Variants in TTC31 observed in about 807,000 individuals in gnomAD.
TTC31 encodes tetratricopeptide repeat protein 31.
A neutral mutation model predicts 60.4 loss-of-function variants in TTC31; 59 were observed. The observed-to-expected ratio is 0.98, with a 90% CI of 0.79 to 1.21. The LOEUF is 1.21. Ranked by LOEUF, TTC31 falls within the 50% of genes most tolerant of loss-of-function variation. The pLI, the probability that TTC31 is intolerant of heterozygous loss-of-function variation, is 0.00. For synonymous variants in TTC31, 225 were observed against 249.6 expected (o/e 0.90, Z 0.93); for missense variants, 672 against 646.9 (o/e 1.04, Z -0.42).
chr2:74,492,645 G>A lies in TTC31; in HGVS notation c.1162-1G>A, dbSNP rs1674057177. Reference sequence around the variant, plus strand: ...TCTTTCTGATCCCTCTGGGACCAAAGCGCTTCAGAGAGGCAGCTGCTGTGT... The same window carrying A: ...TCTTTCTGATCCCTCTGGGACCAAAACGCTTCAGAGAGGCAGCTGCTGTGT... On this transcript the variant is annotated splice_acceptor_variant, in intron 11 of 12. Coordinates refer to ENST00000233623, the MANE Select transcript of TTC31 (RefSeq NM_022492.6). LOFTEE classifies it high-confidence loss of function. 1 of 1,614,078 alleles carries A rather than the reference G, an allele frequency of 6.2e-7. No individual in the cohort carries two copies. The highest frequency in any genetic ancestry group is 1.3e-5 in the African/African-American group (1 of 74,942).
chr2:74,492,011 C>G lies in TTC31; in HGVS notation c.884C>G (p.Pro295Arg), dbSNP rs541932150. The stretch of plus-strand genomic sequence containing the variant: ...TTTGCACCCTATCCCCAGGCATCTC[C>G]GGGACTGCTGGCAGCTGCCTTACAA... ...PQQSPKVQAS[P>R]GLLAAALQQS... Residue 295 changes from proline to arginine, a missense_variant, in exon 9 of 13, where the codon CCG (proline) becomes CGG (arginine). Pro to Arg is a moderately radical substitution (Grantham distance 103). Transcript: ENST00000233623. 4.3e-6 allele frequency: 7 copies of G among 1,614,072 alleles called. No homozygotes were observed. Among genetic ancestry groups the G allele is most frequent in the Non-Finnish European group, 5.9e-6 (7 of 1,180,030 alleles).
chr2:74,483,242 A>G (rs1377673286), intron 1 of TTC31, 80 bp from the exon 2 acceptor site: 1 of 1,612,900 alleles, frequency 6.2e-7, no homozygotes, highest in Non-Finnish European at 8.5e-7. Context: ...CAGAGGGCGG[A>G]GAGTCGAGGG....
rs781133847 is a variant in TTC31 at position 74,483,390 on chromosome 2, C to T, written c.109C>T (p.Pro37Ser). The T allele has an allele frequency of 6.2e-6, 10 of 1,614,188 alleles. No homozygotes were observed. In the South Asian group the frequency reaches 9.9e-5, roughly 16 times the overall value. ...AAPKLCKEFG[P>S]EDYGEEDIVD... is the part of the protein sequence containing the mutation. ...ACCCAAACTTTGCAAGGAATTCGGT[C>T]CAGAGGATTACGGCGAAGAGGTAAA... is the stretch of plus-strand genomic sequence containing the variant. The change falls in exon 2 of 13, where the codon CCA becomes TCA. Residue 37 changes from proline to serine, a missense_variant. By Grantham distance (74) the Pro-to-Ser change is moderately conservative. Coordinates refer to ENST00000233623, the MANE Select transcript of TTC31 (RefSeq NM_022492.6).
Position 74,493,420 on chromosome 2 carries a change from T to G in TTC31, c.*202T>G. On this transcript the variant is annotated 3_prime_UTR_variant, in exon 13 of 13. Coordinates refer to ENST00000233623, the MANE Select transcript of TTC31 (RefSeq NM_022492.6). Reference sequence around the variant, plus strand: ...CATCCACTGAAACATCCTTTGGTTCTCAAGCTTCTTCTGGAGGCAGTAAGG... The same window carrying G: ...CATCCACTGAAACATCCTTTGGTTCGCAAGCTTCTTCTGGAGGCAGTAAGG... 1 of 573,612 alleles carries G rather than the reference T, an allele frequency of 1.7e-6. No individual in the cohort carries two copies. Among genetic ancestry groups the G allele is most frequent in the African/African-American group, 1.9e-5 (1 of 53,346 alleles). The allele number at this position is 573,612 out of a possible 1,614,324, so 35.5% of individuals were successfully genotyped here.
intron 2 of TTC31, among the ~76,000 whole-genome samples, chr2:74,485,183 C>T (rs760982441): frequency 4.0e-5 from 6 of 151,894 alleles, no homozygotes; most frequent in Non-Finnish European, 1.5e-5. Context: ...CCCACCACCA[C>T]GCCCAGCTAA....
intron 2 of TTC31, chr2:74,483,698 C>A: frequency 1.8e-6 from 2 of 1,084,106 alleles, no homozygotes; most frequent in Non-Finnish European, 2.4e-6. Flanking sequence ...AGATGGAGGC[C>A]GGGCGCGGTG....
chr2:74,483,940 TAAA>T (rs558892375), intron 2 of TTC31, among the ~76,000 whole-genome samples: 1 of 132,126 alleles, frequency 7.6e-6, no homozygotes, highest in Non-Finnish European at 1.6e-5. Flanking sequence ...AGACTCTGTC[TAAA>T]AAAAAAAAAA....
chr2:74,483,938 T>C (rs1174912230), intron 2 of TTC31, among the ~76,000 whole-genome samples: 1 of 127,862 alleles, frequency 7.8e-6, no homozygotes, highest in African/African-American at 3.0e-5. Flanking sequence ...TGAGACTCTG[T>C]CTAAAAAAAA....
intron 5 of TTC31, 116 bp downstream of exon 5, chr2:74,490,855 C>T (rs1309938373): frequency 1.8e-6 from 2 of 1,126,978 alleles, no homozygotes; most frequent in East Asian, 5.2e-5. Flanking sequence ...ACTCTCTTGC[C>T]AGGAGGACAC....
intron 2 of TTC31, among the ~76,000 whole-genome samples, chr2:74,484,622 C>A (rs910946949): frequency 1.3e-5 from 2 of 152,036 alleles, no homozygotes; most frequent in African/African-American, 2.4e-5. Flanking sequence ...CCAGTCCCAG[C>A]TAATTTTTGT....
In TTC31 at chr2:74,490,018, C is replaced by T. The variant is rs757052693; in HGVS notation, c.130-7C>T. 3.2e-6 allele frequency: 5 copies of T among 1,548,742 alleles called. No individual in the cohort carries two copies. Among genetic ancestry groups the T allele is most frequent in the African/African-American group, 1.4e-5 (1 of 73,030 alleles). The stretch of plus-strand genomic sequence containing the variant: ...CCAGCCTCCCCTCCCCTCCCCTCCC[C>T]TCCCAGGACATAGTGGATTTTCTTC... On this transcript the variant is annotated splice_region_variant and splice_polypyrimidine_tract_variant and intron_variant, in intron 2 of 12. Coordinates refer to ENST00000233623, the MANE Select transcript of TTC31 (RefSeq NM_022492.6).
At chr2:74,492,266 G>A in intron 10 of TTC31, 37 bp downstream of exon 10, 1 of 1,613,040 alleles carries the variant, frequency 6.2e-7, no homozygotes, top group Non-Finnish European at 8.5e-7. Flanking sequence ...GCAGAGTGTT[G>A]AGGACTCAGA....
At chr2:74,486,226 A>G (rs912674737) in intron 2 of TTC31, among the ~76,000 whole-genome samples, 1 of 151,850 alleles carries the variant, frequency 6.6e-6, no homozygotes, top group African/African-American at 2.4e-5. Flanking sequence ...AGGTTGCGCC[A>G]TTGCATTCCA....
intron 2 of TTC31, among the ~76,000 whole-genome samples, chr2:74,488,074 A>G (rs1041251568): frequency 6.6e-6 from 1 of 152,130 alleles, no homozygotes; most frequent in Non-Finnish European, 1.5e-5. Context: ...TCCTGGGCTC[A>G]AACAGTCCTT....
rs1295533362 is a variant in TTC31 at position 74,493,359 on chromosome 2, C to G, written c.*141C>G. 2 of 898,044 alleles carry G rather than the reference C, an allele frequency of 2.2e-6. No individual in the cohort carries two copies. Among genetic ancestry groups the G allele is most frequent in the Non-Finnish European group, 3.3e-6 (2 of 612,960 alleles). The allele number at this position is 898,044 out of a possible 1,614,324, so 55.6% of individuals were successfully genotyped here. On this transcript the variant is annotated 3_prime_UTR_variant, in exon 13 of 13. Transcript: ENST00000233623. The stretch of plus-strand genomic sequence containing the variant: ...GATGCCCTGGCAGTCATTCCTCTTG[C>G]CATGGGGAAGCTTCTGATGAGAGAA...
intron 1 of TTC31, 48 bp downstream of exon 1, chr2:74,483,183 C>T (rs1010687386): frequency 2.5e-6 from 4 of 1,613,520 alleles, no homozygotes; most frequent in Admixed American, 1.7e-5. Context: ...GCAGAGGCAG[C>T]CCCTCTTGGG....
chr2:74,488,260 C>A (rs1673375593), intron 2 of TTC31, among the ~76,000 whole-genome samples: 1 of 152,206 alleles, frequency 6.6e-6, no homozygotes, highest in Non-Finnish European at 1.5e-5. Flanking sequence ...CCAGGACTAT[C>A]TTCTGAGGGA....
Position 74,492,356 on chromosome 2 carries a change from G to T in TTC31, c.1072G>T (p.Ala358Ser). 6.4e-7 allele frequency: 1 copy of T among 1,555,944 alleles called. No homozygotes were observed. Among genetic ancestry groups the T allele is most frequent in the Non-Finnish European group, 8.7e-7 (1 of 1,149,670 alleles). ...CHERLGQPAW[A>S]LADAQVALTL... Reference sequence around the variant, plus strand: ...TGAGCGGTTGGGTCAGCCAGCGTGGGCCCTGGCTGATGCCCAGGTGGCCCT... The same window carrying T: ...TGAGCGGTTGGGTCAGCCAGCGTGGTCCCTGGCTGATGCCCAGGTGGCCCT... Residue 358 changes from alanine to serine, a missense_variant, in exon 11 of 13, where the codon GCC (alanine) becomes TCC (serine). Physicochemically the swap from Ala to Ser is moderately conservative, Grantham distance 99. Transcript: ENST00000233623.
chr2:74,483,557 A>G lies in TTC31; in HGVS notation c.129+147A>G, dbSNP rs1380585529. 7 of 1,513,010 alleles carry G rather than the reference A, an allele frequency of 4.6e-6. No individual in the cohort carries two copies. In the African/African-American group the frequency reaches 9.7e-5, roughly 21 times the overall value. The allele number at this position is 1,513,010 out of a possible 1,614,324, so 93.7% of individuals were successfully genotyped here. A position where few individuals can be genotyped will look rare whatever the true frequency, so the allele number is the denominator to read the frequency against. On this transcript the variant is annotated intron_variant, in intron 2 of 12. Transcript: ENST00000233623. ...GTAGTCTCCGGCCATGCCCTTGAGG[A>G]TCTTAGGCAAGTGAGGGGCAGGGGA...
Sources: allele counts gnomAD v4.1 joint callset (sites outside exome capture counted in the v4.1 genomes callset), GRCh38; gene constraint gnomAD v4.1.1; transcripts MANE v1.5; gene names NCBI Gene and HGNC (gene_info 2026-07-23, HGNC 2026-07-21).